The following SRC variants were observed in gnomAD, a reference collection of about 807,000 sequenced individuals.
The protein encoded by SRC is SRC proto-oncogene, non-receptor tyrosine kinase.
A neutral mutation model predicts 62.9 loss-of-function variants in SRC; 13 were observed. The observed-to-expected ratio is 0.21, with a 90% CI of 0.13 to 0.33. SRC has a LOEUF of 0.33. Ranked by LOEUF, SRC falls within the 10% of genes least tolerant of loss-of-function variation. The pLI is 1.00. For synonymous variants in SRC, 302 were observed against 317.5 expected (o/e 0.95, Z 0.52); for missense variants, 457 against 737.3 (o/e 0.62, Z 4.40).
At chr20:37,389,467 C>A (rs2070510923) in intron 5 of SRC, among the ~76,000 whole-genome samples, 1 of 152,220 alleles carries the variant, frequency 6.6e-6, no homozygotes, top group South Asian at 2.1e-4. Flanking sequence ...CTCCAGAGAC[C>A]TGTGCTGGCT....
chr20:37,392,512 G>A (rs1308279665), intron 5 of SRC, among the ~76,000 whole-genome samples: 1 of 152,212 alleles, frequency 6.6e-6, no homozygotes, highest in African/African-American at 2.4e-5. Context: ...CACCCTGCCT[G>A]CCGTGTGTCT....
chr20:37,370,155 C>T (rs58983737), intron 2 of SRC, among the ~76,000 whole-genome samples: 5,110 of 152,280 alleles, frequency 0.034, 273 homozygotes, highest in African/African-American at 0.11. Flanking sequence ...TCCCTTCTAT[C>T]GTTTTTGTCA....
At chr20:37,379,114 A>G (rs1410654942) in intron 2 of SRC, among the ~76,000 whole-genome samples, 1 of 152,026 alleles carries the variant, frequency 6.6e-6, no homozygotes, top group African/African-American at 2.4e-5. Context: ...TTCTTATAGC[A>G]GCAACTCGGC....
At chr20:37,391,999 G>T (rs1000601523) in intron 5 of SRC, among the ~76,000 whole-genome samples, 3 of 152,176 alleles carry the variant, frequency 2.0e-5, no homozygotes, top group African/African-American at 7.2e-5. Flanking sequence ...GGCCTTGGGG[G>T]TCAGTGGGAG....
intron 1 of SRC, among the ~76,000 whole-genome samples, chr20:37,360,012 C>G (rs1244033497): frequency 6.6e-6 from 1 of 152,016 alleles, no homozygotes; most frequent in African/African-American, 2.4e-5. Context: ...AGCACCACTA[C>G]CCATGGCCAG....
chr20:37,402,425 C>G lies in SRC; in HGVS notation c.1117-10C>G. On this transcript the variant is annotated splice_polypyrimidine_tract_variant and intron_variant, in intron 11 of 13. Transcript: ENST00000373578. The surrounding 1 kb of genome is among the most constrained non-coding windows in gnomAD (Gnocchi z 6.2). ...GCACCTGAGCCAGGCTCCCACGGTT[C>G]CGCCTGCAGATCGCCTCAGGCATGG... is the stretch of plus-strand genomic sequence containing the variant. The G allele has an allele frequency of 6.2e-7, 1 of 1,610,196 alleles. No individual in the cohort carries two copies. Among genetic ancestry groups the G allele is most frequent in the Non-Finnish European group, 8.5e-7 (1 of 1,177,656 alleles).
chr20:37,357,888 T>C (rs1300824373), intron 1 of SRC, among the ~76,000 whole-genome samples: 1 of 152,154 alleles, frequency 6.6e-6, no homozygotes, highest in Non-Finnish European at 1.5e-5. Flanking sequence ...GCAAAGGCCC[T>C]GAGGCAGGAG....
intron 2 of SRC, among the ~76,000 whole-genome samples, chr20:37,380,480 A>T (rs1411694001): frequency 6.6e-6 from 1 of 152,234 alleles, no homozygotes; most frequent in African/African-American, 2.4e-5. Context: ...CAATGTTTGC[A>T]AAGTACTTAG....
chr20:37,394,854 C>T (rs957005773), intron 7 of SRC, among the ~76,000 whole-genome samples: 11 of 152,106 alleles, frequency 7.2e-5, no homozygotes, highest in Admixed American at 5.9e-4. Flanking sequence ...CATGTCGAGC[C>T]GTGCATTTAC....
Position 37,403,413 on chromosome 20 carries a change from G to A in SRC, c.*34G>A, listed in dbSNP as rs898259570. ...GGGCCCAGACCGGCTTCTCGGCTTG[G>A]ATCCTGGGCTGGGTGGCCCCTGTCT... On this transcript the variant is annotated 3_prime_UTR_variant, in exon 14 of 14. Transcript: ENST00000373578. This position sits in a 1 kb window ranked among gnomAD's most constrained non-coding sequence, Gnocchi z 7.1. 6.5e-7 allele frequency: 1 copy of A among 1,536,084 alleles called. No homozygotes were observed. Among genetic ancestry groups the A allele is most frequent in the African/African-American group, 1.4e-5 (1 of 73,340 alleles).
At chr20:37,357,269 G>C (rs965698697) in intron 1 of SRC, among the ~76,000 whole-genome samples, 3 of 152,228 alleles carry the variant, frequency 2.0e-5, no homozygotes, top group Non-Finnish European at 4.4e-5. Context: ...CGAAAGTCGG[G>C]CTGTGCAGGA....
intron 2 of SRC, among the ~76,000 whole-genome samples, chr20:37,367,789 G>A (rs1260507402): frequency 6.6e-6 from 1 of 151,464 alleles, no homozygotes; most frequent in Non-Finnish European, 1.5e-5. Context: ...TAGGACCACA[G>A]GCATGCAACA....
At position 37,400,122 on chromosome 20, in the gene SRC, G is replaced by A; in HGVS notation, c.867G>A (p.Trp289Ter). ...GCFGEVWMGT[W>*]NGTTRVAIKT... is the part of the protein sequence containing the mutation. ...TGCATCCCTCCTCAACAGGGACCTG[G>A]AACGGTACCACCAGGGTGGCCATCA... Residue 289 changes from tryptophan (W) to a stop codon, truncating the protein, a stop_gained, in exon 10 of 14, where the codon TGG becomes TGA. Coordinates refer to ENST00000373578, the MANE Select transcript of SRC (RefSeq NM_198291.3). LOFTEE classifies it high-confidence loss of function. 6.2e-7 allele frequency: 1 copy of A among 1,607,696 alleles called. No individual in the cohort carries two copies. The highest frequency in any genetic ancestry group is 8.5e-7 in the Non-Finnish European group (1 of 1,176,682).
chr20:37,392,772 G>A (rs762603283), intron 5 of SRC, among the ~76,000 whole-genome samples: 1 of 152,064 alleles, frequency 6.6e-6, no homozygotes, highest in African/African-American at 2.4e-5. Flanking sequence ...CACTCCCTGT[G>A]GACCCCGTCC....
intron 1 of SRC, among the ~76,000 whole-genome samples, chr20:37,358,459 A>G (rs2069915711): frequency 6.6e-6 from 1 of 152,194 alleles, no homozygotes; most frequent in Non-Finnish European, 1.5e-5. Context: ...GATTCACTCA[A>G]GTCTCCCCAG....
At chr20:37,394,452 G>T (rs749696933) in intron 7 of SRC, among the ~76,000 whole-genome samples, 175 bp downstream of exon 7, 1 of 152,160 alleles carries the variant, frequency 6.6e-6, no homozygotes, top group Non-Finnish European at 1.5e-5. Flanking sequence ...TGAGTAATCC[G>T]CGGTGGCCAG....
At chr20:37,356,509 C>T (rs1018081771) in intron 1 of SRC, among the ~76,000 whole-genome samples, 2 of 151,472 alleles carry the variant, frequency 1.3e-5, no homozygotes, top group South Asian at 4.2e-4. Context: ...CTGGGATGGA[C>T]AGGGGAGTGG....
chr20:37,388,588 A>T (rs2147070350), intron 5 of SRC, among the ~76,000 whole-genome samples: 1 of 152,288 alleles, frequency 6.6e-6, no homozygotes. Flanking sequence ...TCTACAAAAT[A>T]TAAAAATAAA....
intron 1 of SRC, among the ~76,000 whole-genome samples, chr20:37,355,350 G>A (rs1484952576): frequency 6.6e-6 from 1 of 151,464 alleles, no homozygotes; most frequent in Non-Finnish European, 1.5e-5. Flanking sequence ...TTTTAGAAAC[G>A]GAGTGGGTTT....
Sources: allele counts gnomAD v4.1 joint callset (sites outside exome capture counted in the v4.1 genomes callset), GRCh38; gene constraint gnomAD v4.1.1; non-coding constraint Gnocchi (gnomAD v3.1); transcripts MANE v1.5; gene names NCBI Gene and HGNC (gene_info 2026-07-23, HGNC 2026-07-21).